The following SPATA13 variants were observed in gnomAD, a reference collection of about 807,000 sequenced individuals.
The protein encoded by SPATA13 is spermatogenesis associated 13, also known as spermatogenesis-associated protein 13.
In SPATA13, 50 loss-of-function variants were observed where a neutral mutation model predicts 104.0. The ratio of observed to expected loss-of-function variants is 0.48; its 90% CI spans 0.38 to 0.61. The LOEUF is 0.61. Among genes scored for constraint, SPATA13 ranks in the 20% least tolerant of loss-of-function variants. The pLI, the probability that SPATA13 is intolerant of heterozygous loss-of-function variation, is 0.00. For missense variants in SPATA13, 1,524 were observed against 1,690.6 expected (o/e 0.90, Z 1.73); for synonymous variants, 606 against 667.5 (o/e 0.91, Z 1.42).
At chr13:23,996,749 G>A (rs35802534) in intron 2 of SPATA13, among the ~76,000 whole-genome samples, 52,061 of 152,088 alleles carry the variant, frequency 0.34, 9,542 homozygotes, top group Non-Finnish European at 0.41. Context: ...GGCAGCTTTA[G>A]GCCACACATA....
chr13:24,121,090 C>T (rs1881018555), intron 3 of SPATA13, among the ~76,000 whole-genome samples: 1 of 152,058 alleles, frequency 6.6e-6, no homozygotes, highest in South Asian at 2.1e-4. Context: ...ACCCTTAGAT[C>T]AACTCTTAAG....
At chr13:24,016,552 G>A (rs527701592) in intron 2 of SPATA13, among the ~76,000 whole-genome samples, 75 of 152,298 alleles carry the variant, frequency 4.9e-4, no homozygotes, top group Non-Finnish European at 9.1e-4. Context: ...AAGCAGGGCC[G>A]CTGGGTTCAC....
chr13:24,302,156 G>C lies in SPATA13; in HGVS notation c.3659-442G>C, dbSNP rs185427391. ...CAGTTTCTTTCCCTGTCAAGTTGTT[G>C]TCATAATACCCTCCTTGGAGGCTTT... is the stretch of plus-strand genomic sequence containing the variant. On this transcript the variant is annotated intron_variant, in intron 12 of 12. Transcript: ENST00000382108. Among the ~76,000 whole-genome samples, 56 of 152,222 alleles carry C rather than the reference G, an allele frequency of 3.7e-4. 1 individual carries two copies. Among genetic ancestry groups the C allele is most frequent in the African/African-American group, 1.1e-3 (46 of 41,542 alleles).
chr13:24,040,245 A>C (rs1446513181), intron 3 of SPATA13, among the ~76,000 whole-genome samples: 3 of 152,160 alleles, frequency 2.0e-5, no homozygotes, highest in Non-Finnish European at 4.4e-5. Flanking sequence ...GATGACCTCC[A>C]CTGAGTGCTC....
Position 24,189,852 on chromosome 13 carries a change from T to TAATTATATAATATATTACG in SPATA13, c.-112+28920_-112+28921insAATTATATAATATATTACG, listed in dbSNP as rs1869472253. Among the ~76,000 whole-genome samples the TAATTATATAATATATTACG allele has an allele frequency of 2.2e-4, 8 of 36,786 alleles. 3 individuals are homozygous for TAATTATATAATATATTACG. Among genetic ancestry groups the TAATTATATAATATATTACG allele is most frequent in the Non-Finnish European group, 2.5e-4 (4 of 16,198 alleles). 24.1% of individuals were successfully genotyped at this position (36,786 alleles called of 152,430 possible). A position where few individuals can be genotyped will look rare whatever the true frequency, so the allele number is the denominator to read the frequency against. Reference sequence around the variant, plus strand: ...ATAAAATGATATTTAATATATTATATTAATATATCATATATAATATAATTA... The same window carrying TAATTATATAATATATTACG: ...ATAAAATGATATTTAATATATTATATAATTATATAATATATTACGTAATATATCATATATAATATAATTA... On this transcript the variant is annotated intron_variant, in intron 1 of 12. Coordinates refer to ENST00000382108, the MANE Select transcript of SPATA13 (RefSeq NM_001166271.3).
chr13:24,145,423 G>A (rs1327652882), intron 3 of SPATA13, among the ~76,000 whole-genome samples: 2 of 152,198 alleles, frequency 1.3e-5, no homozygotes, highest in Non-Finnish European at 1.5e-5. Flanking sequence ...GGGAAAGGAA[G>A]CTGTCTGTAG....
intron 3 of SPATA13, among the ~76,000 whole-genome samples, chr13:24,116,928 A>G (rs1256541679): frequency 6.6e-6 from 1 of 152,244 alleles, no homozygotes; most frequent in Non-Finnish European, 1.5e-5. Flanking sequence ...ATGTGAGGAC[A>G]CAGTGAGAAG....
chr13:24,104,860 C>T (rs2137806076), intron 3 of SPATA13, among the ~76,000 whole-genome samples: 1 of 152,336 alleles, frequency 6.6e-6, no homozygotes, highest in South Asian at 2.1e-4. Context: ...TGCTCACTCC[C>T]CCAGCTCCTC....
At chr13:24,167,994 A>C (rs1348225261) in intron 1 of SPATA13, among the ~76,000 whole-genome samples, 1 of 152,150 alleles carries the variant, frequency 6.6e-6, no homozygotes, top group African/African-American at 2.4e-5. Context: ...TTTTGGTCTT[A>C]ATTTATAATG....
At chr13:24,046,225 C>T (rs550135849) in intron 3 of SPATA13, among the ~76,000 whole-genome samples, 1 of 152,132 alleles carries the variant, frequency 6.6e-6, no homozygotes, top group Admixed American at 6.5e-5. Flanking sequence ...CTCCTCCTGT[C>T]ACCTCCTAGT....
chr13:24,270,963 C>A, intron 4 of SPATA13: 2 of 1,367,508 alleles, frequency 1.5e-6, no homozygotes, highest in Non-Finnish European at 1.0e-6. Flanking sequence ...GCCGATTCAG[C>A]TCTTTCCTTC....
At chr13:24,022,002 C>T (rs916916905) in intron 3 of SPATA13, among the ~76,000 whole-genome samples, 28 of 151,688 alleles carry the variant, frequency 1.8e-4, no homozygotes, top group Non-Finnish European at 1.9e-4. Flanking sequence ...TGAGCCACTG[C>T]GCCCGGCCAG....
chr13:24,277,410 C>T (rs1452444222), intron 4 of SPATA13, among the ~76,000 whole-genome samples: 3 of 143,484 alleles, frequency 2.1e-5, no homozygotes, highest in African/African-American at 7.8e-5. Flanking sequence ...CGCCATTGCA[C>T]TCCAGCCTGG....
At chr13:24,253,398 C>G (rs971368124) in intron 4 of SPATA13, among the ~76,000 whole-genome samples, 1 of 152,158 alleles carries the variant, frequency 6.6e-6, no homozygotes, top group African/African-American at 2.4e-5. Context: ...GCAGCAGACA[C>G]CTCCAAGTCT....
rs542505196 is a variant in SPATA13, at chr13:24,082,424, T to G, written c.-112+64723T>G. Among the ~76,000 whole-genome samples, 9 of 152,308 alleles carry G rather than the reference T, an allele frequency of 5.9e-5. No individual in the cohort carries two copies. The South Asian group carries it at 1.7e-3, about 28-fold the overall frequency. The stretch of plus-strand genomic sequence containing the variant: ...GGGGAGGGTAACACTGATGGAGAAT[T>G]CACCTTGAGATGATTGAGTTGCTCT... On this transcript the variant is annotated intron_variant, in intron 3 of 14. Transcript: ENST00000424834.
At chr13:24,215,936 G>A (rs1871238893) in intron 1 of SPATA13, among the ~76,000 whole-genome samples, 1 of 152,180 alleles carries the variant, frequency 6.6e-6, no homozygotes, top group Non-Finnish European at 1.5e-5. Flanking sequence ...CAGGCATGAG[G>A]TAGTCCTAAC....
intron 2 of SPATA13, among the ~76,000 whole-genome samples, chr13:23,987,048 C>T (rs966523204): frequency 1.4e-4 from 14 of 103,628 alleles, no homozygotes; most frequent in Non-Finnish European, 2.7e-4. Flanking sequence ...TGTTACTACT[C>T]CACATGGGGC....
chr13:24,217,632 A>G (rs978772923), intron 1 of SPATA13, among the ~76,000 whole-genome samples: 1 of 152,256 alleles, frequency 6.6e-6, no homozygotes, highest in Non-Finnish European at 1.5e-5. Context: ...TATTTCAAAC[A>G]GAGAATCTAA....
At chr13:24,080,792 G>T (rs755504876) in intron 3 of SPATA13, among the ~76,000 whole-genome samples, 3 of 152,158 alleles carry the variant, frequency 2.0e-5, no homozygotes, top group Non-Finnish European at 2.9e-5. Context: ...TTAATGTTGT[G>T]CATTACTGTA....
Sources: allele counts gnomAD v4.1 joint callset (sites outside exome capture counted in the v4.1 genomes callset), GRCh38; gene constraint gnomAD v4.1.1; transcripts MANE v1.5; gene names NCBI Gene and HGNC (gene_info 2026-07-23, HGNC 2026-07-21).